TRIM27: variants seen among roughly 807,000 people sequenced by gnomAD.
The protein encoded by TRIM27 is zinc finger protein RFP.
In TRIM27, 12 loss-of-function variants were observed where a neutral mutation model predicts 57.6. That is an observed-to-expected ratio of 0.21 (90% CI 0.13 to 0.34). TRIM27 has a LOEUF of 0.34. Ranked by LOEUF, TRIM27 falls within the 10% of genes least tolerant of loss-of-function variation. The probability of loss-of-function intolerance (pLI) is 1.00; values close to 1 mark genes in which losing one functional copy is unlikely to be tolerated. For synonymous variants in TRIM27, 266 were observed against 259.0 expected, an observed-to-expected ratio of 1.03 and a Z score of -0.26; for missense variants, 403 against 656.8, an observed-to-expected ratio of 0.61 and a Z score of 4.22.
At chr6:28,917,188 T>G (rs1397153894) in intron 3 of TRIM27, among the ~76,000 whole-genome samples, 1 of 152,060 alleles carries the variant, frequency 6.6e-6, no homozygotes, top group Non-Finnish European at 1.5e-5. Context: ...CAAGTCCATC[T>G]TGCAAAACCC....
intron 3 of TRIM27, 128 bp from the exon 4 acceptor site, chr6:28,911,846 C>T: frequency 1.2e-6 from 1 of 865,622 alleles, no homozygotes; most frequent in Non-Finnish European, 1.8e-6. Context: ...AAAAGGATCA[C>T]TGGAACATAA....
In TRIM27 at chr6:28,918,279, G is replaced by A. The variant is rs530072138; in HGVS notation, c.747+1733C>T. Among the ~76,000 whole-genome samples the A allele has an allele frequency of 2.0e-5, 3 of 152,184 alleles. No homozygotes were observed. The East Asian group carries it at 5.8e-4, about 29-fold the overall frequency. On this transcript the variant is annotated intron_variant, in intron 3 of 7. Coordinates refer to ENST00000377199, the MANE Select transcript of TRIM27 (RefSeq NM_006510.5). ...CTCCATAATCCTGTCTCGTCTCTAA[G>A]TATTTTATTACAACCCCTTAACAGT...
chr6:28,918,401 T>C (rs1301621987), intron 3 of TRIM27, among the ~76,000 whole-genome samples: 3 of 152,156 alleles, frequency 2.0e-5, no homozygotes, highest in East Asian at 1.9e-4. Flanking sequence ...AATTATTCCA[T>C]TGTGATAGTT....
chr6:28,912,604 T>A (rs77074408), intron 3 of TRIM27, among the ~76,000 whole-genome samples: 3,423 of 152,346 alleles, frequency 0.022, 49 homozygotes, highest in South Asian at 0.046. Flanking sequence ...CTTTTCCTTT[T>A]TTTAACTTGG....
At chr6:28,911,557 C>T (rs1773212946) in intron 4 of TRIM27, 139 bp downstream of exon 4, 1 of 816,420 alleles carries the variant, frequency 1.2e-6, no homozygotes. Flanking sequence ...TCTTTGTATA[C>T]TAGTGACTCT....
intron 6 of TRIM27, chr6:28,907,592 A>C (rs1422394527): frequency 1.7e-6 from 1 of 600,674 alleles, no homozygotes. Flanking sequence ...TTCCAACCCC[A>C]CGTCATACAT....
chr6:28,906,031 T>C (rs1361798015), intron 7 of TRIM27: 1 of 151,912 alleles, frequency 6.6e-6, no homozygotes. Flanking sequence ...ACCCTGTCTC[T>C]ACAAAAAATA....
chr6:28,920,074 G>A lies in TRIM27; in HGVS notation c.685C>T (p.Leu229Phe). The change falls in exon 3 of 8, where the codon CTC becomes TTC. Residue 229 changes from leucine to phenylalanine, a missense_variant. Transcript: ENST00000377199. ...ITQFSCNISH[L>F]SSLIAQLEEK... ...TCTAGCTGAGCGATCAGGCTGCTGAGGTGGGAGATGTTGCAAGAGAACTGG... is the reference window on the plus strand; with the variant it reads ...TCTAGCTGAGCGATCAGGCTGCTGAAGTGGGAGATGTTGCAAGAGAACTGG... 2 of 1,614,222 alleles carry A rather than the reference G, an allele frequency of 1.2e-6. No homozygotes were observed. The highest frequency in any genetic ancestry group is 1.7e-6 in the Non-Finnish European group (2 of 1,180,036).
intron 4 of TRIM27, among the ~76,000 whole-genome samples, chr6:28,909,805 C>A (rs1312132896): frequency 2.0e-5 from 3 of 152,142 alleles, no homozygotes; most frequent in Non-Finnish European, 4.4e-5. Flanking sequence ...CCTAGCCCTG[C>A]AAGGATGTCT....
At chr6:28,921,415 A>T (rs1774023825) in intron 2 of TRIM27, among the ~76,000 whole-genome samples, 1 of 152,118 alleles carries the variant, frequency 6.6e-6, no homozygotes, top group Non-Finnish European at 1.5e-5. Context: ...CCCCTAATAT[A>T]AATTAACACA....
At chr6:28,916,698 T>C (rs968136139) in intron 3 of TRIM27, among the ~76,000 whole-genome samples, 1 of 152,112 alleles carries the variant, frequency 6.6e-6, no homozygotes, top group African/African-American at 2.4e-5. Context: ...TAGTGTGAGG[T>C]TTCCTTTTGG....
chr6:28,913,452 T>C (rs541849861), intron 3 of TRIM27, among the ~76,000 whole-genome samples: 11 of 151,910 alleles, frequency 7.2e-5, no homozygotes, highest in South Asian at 4.2e-4. Context: ...CTACCCTTCC[T>C]AGAAAAATTG....
At position 28,906,862 on chromosome 6, in the gene TRIM27, G is replaced by T. The variant is rs765563534; in HGVS notation, c.946+374C>A. 1.5e-5 allele frequency: 3 copies of T among 195,228 alleles called. No homozygotes were observed. The South Asian group carries it at 4.5e-4, about 29-fold the overall frequency. The allele number at this position is 195,228 out of a possible 1,614,324, so 12.1% of individuals were successfully genotyped here. ...CCTAGACTTCCTCTAGCACTCAAGA[G>T]CACTATTGTGGAGCTCAATCAGTCC... is the stretch of plus-strand genomic sequence containing the variant. On this transcript the variant is annotated intron_variant, in intron 7 of 7. Coordinates refer to ENST00000377199, the MANE Select transcript of TRIM27 (RefSeq NM_006510.5).
intron 3 of TRIM27, chr6:28,915,868 A>C (rs1443008121): frequency 6.6e-6 from 1 of 152,230 alleles, no homozygotes; most frequent in Non-Finnish European, 1.5e-5. Flanking sequence ...TTATTCAGCC[A>C]TAAAGAGAAA....
chr6:28,907,599 A>G (rs1322283794), intron 6 of TRIM27: 2 of 590,612 alleles, frequency 3.4e-6, no homozygotes, highest in South Asian at 3.1e-5. Context: ...CCCACGTCAT[A>G]CATAACTTTT....
chr6:28,916,174 T>C (rs1295792609), intron 3 of TRIM27, among the ~76,000 whole-genome samples: 1 of 152,118 alleles, frequency 6.6e-6, no homozygotes, highest in Non-Finnish European at 1.5e-5. Flanking sequence ...CTTGGCCTCC[T>C]GAAGTGCTGG....
At chr6:28,911,361 A>C (rs1773198209) in intron 4 of TRIM27, 1 of 265,662 alleles carries the variant, frequency 3.8e-6, no homozygotes, top group South Asian at 1.7e-4. Context: ...TGAGATAATG[A>C]AGGGGGAAAG....
chr6:28,911,780 C>T, intron 3 of TRIM27, 62 bp from the exon 4 acceptor site: 1 of 1,568,582 alleles, frequency 6.4e-7, no homozygotes, highest in Non-Finnish European at 8.7e-7. Flanking sequence ...TTTTCTTTCA[C>T]AGATGTTTGT....
At chr6:28,905,559 C>A (rs1273517699) in intron 7 of TRIM27, 1 of 151,952 alleles carries the variant, frequency 6.6e-6, no homozygotes, top group East Asian at 1.9e-4. Flanking sequence ...TTATTTTTTA[C>A]TTTTTTTTAT....
Sources: gnomAD v4.1 joint callset for allele counts (sites outside exome capture counted in the v4.1 genomes callset) on GRCh38, gnomAD v4.1.1 for gene constraint, MANE v1.5 for transcripts, NCBI Gene and HGNC (gene_info 2026-07-23, HGNC 2026-07-21) for gene names.